Variants in LRRTM4 observed in about 807,000 individuals in gnomAD.
The protein encoded by LRRTM4 is leucine rich repeat transmembrane neuronal 4.
In LRRTM4, 25 loss-of-function variants were observed where a neutral mutation model predicts 47.6. The observed-to-expected ratio is 0.53, with a 90% confidence interval of 0.38 to 0.73. LRRTM4 has a LOEUF of 0.73. Ranked by LOEUF, LRRTM4 falls within the 30% of genes least tolerant of loss-of-function variation. The probability of loss-of-function intolerance (pLI) is 0.00; values close to 1 mark genes in which losing one functional copy is unlikely to be tolerated. For missense variants in LRRTM4, 638 were observed against 713.4 expected, an observed-to-expected ratio of 0.89 and a Z score of 1.20; for synonymous variants, 311 against 269.5, an observed-to-expected ratio of 1.15 and a Z score of -1.51.
At chr2:76,834,019 ATTAT>A (rs10644834) in intron 3 of LRRTM4, among the ~76,000 whole-genome samples, 21,168 of 140,342 alleles carry the variant, frequency 0.15, 1,613 homozygotes, top group African/African-American at 0.19. Context: ...TCATTTATTT[ATTAT>A]TTATTTATTT....
chr2:76,800,096 A>C (rs1459177184), intron 3 of LRRTM4, among the ~76,000 whole-genome samples: 2 of 150,950 alleles, frequency 1.3e-5, no homozygotes, highest in Non-Finnish European at 3.0e-5. Context: ...GAATTGGAAA[A>C]AACTACTTTA....
intron 3 of LRRTM4, among the ~76,000 whole-genome samples, chr2:77,170,258 T>C (rs1041989797): frequency 1.3e-5 from 2 of 152,130 alleles, no homozygotes; most frequent in Admixed American, 6.5e-5. Context: ...TGAGAAAAAC[T>C]CAACCTAACC....
intron 3 of LRRTM4, among the ~76,000 whole-genome samples, chr2:76,834,019 A>ATTATTTATTTATTTATTTAT (rs10644834): frequency 4.3e-5 from 6 of 140,558 alleles, no homozygotes; most frequent in South Asian, 2.3e-4. Context: ...TCATTTATTT[A>ATTATTTATTTATTTATTTAT]TTATTTATTT....
chr2:76,768,048 G>A (rs1673527005), intron 3 of LRRTM4, among the ~76,000 whole-genome samples: 1 of 152,138 alleles, frequency 6.6e-6, no homozygotes, highest in South Asian at 2.1e-4. Flanking sequence ...ATAATTGATT[G>A]ATTCTTAAAG....
intron 3 of LRRTM4, among the ~76,000 whole-genome samples, chr2:77,159,712 A>G (rs2103804973): frequency 6.6e-6 from 1 of 152,110 alleles, no homozygotes. Flanking sequence ...AAGAGGTAGA[A>G]AAGGTGGAAG....
intron 3 of LRRTM4, among the ~76,000 whole-genome samples, chr2:77,075,420 G>T (rs919367575): frequency 6.6e-6 from 1 of 152,064 alleles, no homozygotes; most frequent in African/African-American, 2.4e-5. Flanking sequence ...TTATATGTAG[G>T]TTTACATTTC....
At chr2:77,444,869 C>T (rs1370619562) in intron 3 of LRRTM4, among the ~76,000 whole-genome samples, 1 of 147,814 alleles carries the variant, frequency 6.8e-6, no homozygotes, top group African/African-American at 2.5e-5. Context: ...TATAAATGAG[C>T]TTTAGGTATA....
chr2:77,341,464 A>G (rs751503487), intron 3 of LRRTM4, among the ~76,000 whole-genome samples: 1 of 151,914 alleles, frequency 6.6e-6, no homozygotes, highest in Non-Finnish European at 1.5e-5. Flanking sequence ...ACCATATCCC[A>G]CATTATTTCA....
intron 3 of LRRTM4, among the ~76,000 whole-genome samples, chr2:76,834,010 C>CATTT (rs1335489274): frequency 7.6e-5 from 10 of 130,720 alleles, no homozygotes; most frequent in African/African-American, 2.6e-4. Flanking sequence ...CCTTGTTTTT[C>CATTT]ATTTATTTAT....
chr2:76,932,448 A>C (rs1674801937), intron 3 of LRRTM4, among the ~76,000 whole-genome samples: 1 of 152,026 alleles, frequency 6.6e-6, no homozygotes. Flanking sequence ...CCCTATCTTC[A>C]TCACAGGAGT....
At chr2:77,144,736 C>G (rs750788981) in intron 3 of LRRTM4, among the ~76,000 whole-genome samples, 21 of 151,762 alleles carry the variant, frequency 1.4e-4, no homozygotes, top group Non-Finnish European at 3.1e-4. Context: ...GTGTGATAGC[C>G]TATAGACTAT....
chr2:77,088,414 G>T (rs1053885290), intron 3 of LRRTM4, among the ~76,000 whole-genome samples: 1 of 152,140 alleles, frequency 6.6e-6, no homozygotes, highest in Non-Finnish European at 1.5e-5. Flanking sequence ...ATTACCTTGT[G>T]AAAGTCCTTT....
intron 3 of LRRTM4, among the ~76,000 whole-genome samples, chr2:77,348,677 A>G (rs1219276797): frequency 6.6e-6 from 1 of 150,784 alleles, no homozygotes; most frequent in Non-Finnish European, 1.5e-5. Context: ...TAATCTTTAA[A>G]TTTCTTCAAT....
At chr2:77,179,998 T>TA in intron 3 of LRRTM4, among the ~76,000 whole-genome samples, 1 of 152,250 alleles carries the variant, frequency 6.6e-6, no homozygotes, top group East Asian at 1.9e-4. Flanking sequence ...AAGAGCTGAA[T>TA]AAAAATTATT....
chr2:77,411,526 C>G (rs1266737055), intron 3 of LRRTM4, among the ~76,000 whole-genome samples: 1 of 144,152 alleles, frequency 6.9e-6, no homozygotes, highest in African/African-American at 2.6e-5. Flanking sequence ...GATCTCGGCT[C>G]ACTGCAAGCT....
At chr2:77,012,701 CA>C (rs1174932080) in intron 3 of LRRTM4, among the ~76,000 whole-genome samples, 1 of 152,124 alleles carries the variant, frequency 6.6e-6, no homozygotes, top group Non-Finnish European at 1.5e-5. Flanking sequence ...GAGTGACCCC[CA>C]AACTCTGTGA....
chr2:76,849,540 G>A (rs564336512), intron 3 of LRRTM4, among the ~76,000 whole-genome samples: 17 of 151,752 alleles, frequency 1.1e-4, no homozygotes, highest in African/African-American at 4.1e-4. Context: ...ATGGGAAAAA[G>A]ACTTCATCAA....
At chr2:76,959,844 G>A (rs1287139700) in intron 3 of LRRTM4, among the ~76,000 whole-genome samples, 1 of 151,560 alleles carries the variant, frequency 6.6e-6, no homozygotes, top group South Asian at 2.1e-4. Flanking sequence ...TAAAATTCCA[G>A]TGCATTATGA....
intron 3 of LRRTM4, among the ~76,000 whole-genome samples, chr2:76,900,997 A>G (rs1217673377): frequency 6.6e-6 from 1 of 152,170 alleles, no homozygotes; most frequent in Non-Finnish European, 1.5e-5. Flanking sequence ...TCTCCTATTC[A>G]AGGAAATTTT....
Sources: gnomAD v4.1 joint callset for allele counts (sites outside exome capture counted in the v4.1 genomes callset) on GRCh38, gnomAD v4.1.1 for gene constraint, MANE v1.5 for transcripts, NCBI Gene and HGNC (gene_info 2026-07-23, HGNC 2026-07-21) for gene names.